Variants in UBR4 observed in about 807,000 individuals in gnomAD.
UBR4 encodes E3 ubiquitin-protein ligase UBR4.
UBR4 carries 124 observed loss-of-function variants against 575.6 expected under a neutral mutation model. The observed-to-expected ratio is 0.22, with a 90% CI of 0.19 to 0.25. The LOEUF (loss-of-function observed/expected upper bound fraction) is 0.25, where lower values mean the gene tolerates loss of function less well. UBR4 is among the 10% of genes least tolerant of loss of function. UBR4 has a pLI of 1.00. For missense variants in UBR4, 4,818 were observed against 6,478.8 expected, an observed-to-expected ratio of 0.74 and a Z score of 8.80; for synonymous variants, 2,455 against 2,473.7, an observed-to-expected ratio of 0.99 and a Z score of 0.22.
intron 90 of UBR4, among the ~76,000 whole-genome samples, chr1:19,098,652 A>G (rs935288360): frequency 4.6e-5 from 7 of 152,218 alleles, no homozygotes; most frequent in African/African-American, 1.7e-4. Context: ...CAACGACCCC[A>G]CTGGCAGTAG....
rs757496416 is a variant in UBR4, at chr1:19,177,516, A to C, written c.2582T>G (p.Ile861Ser). The C allele has an allele frequency of 6.2e-7, 1 of 1,614,104 alleles. No individual in the cohort carries two copies. Among genetic ancestry groups the C allele is most frequent in the South Asian group, 1.1e-5 (1 of 91,072 alleles). Residue 861 changes from isoleucine to serine, a missense_variant, in exon 19 of 106, where the codon ATC (isoleucine) becomes AGC (serine). Coordinates refer to ENST00000375254, the MANE Select transcript of UBR4 (RefSeq NM_020765.3). ...GTACTGATGAAGCAGATAATCAAAG[A>C]TGAGAAGGAGGCGAGCCAAGATAAG... The part of the protein sequence containing the change: ...VPLILARLLL[I>S]FDYLLHQYSK...
chr1:19,100,274 G>A lies in UBR4; in HGVS notation c.13221+102C>T, dbSNP rs2078494018. The A allele has an allele frequency of 2.6e-5, 34 of 1,326,786 alleles. No homozygotes were observed. The highest frequency in any genetic ancestry group is 3.3e-5 in the Non-Finnish European group (31 of 938,510). The allele number at this position is 1,326,786 out of a possible 1,614,324, so 82.2% of individuals were successfully genotyped here. ...AGAGTGGAGAAACTGAAGGCCACCT[G>A]CCCCAAGTTAATCAGCTACTAGGAA... On this transcript the variant is annotated intron_variant, in intron 89 of 105. Coordinates refer to ENST00000375254, the MANE Select transcript of UBR4 (RefSeq NM_020765.3). This position sits in a 1 kb window ranked among gnomAD's most constrained non-coding sequence, Gnocchi z 4.2.
intron 54 of UBR4, 106 bp from the exon 55 acceptor site, chr1:19,144,197 CCTCTCTA>C: frequency 2.1e-6 from 2 of 965,594 alleles, no homozygotes; most frequent in Non-Finnish European, 3.2e-6. Flanking sequence ...AAGTGGAATA[CCTCTCTA>C]CTCTCACCTG....
intron 1 of UBR4, among the ~76,000 whole-genome samples, chr1:19,207,551 C>T (rs2093071142): frequency 6.6e-6 from 1 of 152,194 alleles, no homozygotes; most frequent in Non-Finnish European, 1.5e-5. Flanking sequence ...ATCACTTGAA[C>T]CTGGGAGGCG....
chr1:19,180,039 T>C (rs908080355), intron 17 of UBR4, among the ~76,000 whole-genome samples: 2 of 152,152 alleles, frequency 1.3e-5, no homozygotes, highest in Non-Finnish European at 2.9e-5. Flanking sequence ...ACAGTTACCA[T>C]AGGTTGAGCT....
Position 19,078,012 on chromosome 1 carries a change from A to G in UBR4, c.15288T>C (p.Phe5096=). The change falls in exon 104 of 106, where the codon TTT becomes TTC. Residue 5096 remains phenylalanine, a synonymous_variant. Transcript: ENST00000375254. The stretch of plus-strand genomic sequence containing the variant: ...TGTAAATGAGATCGACGAGGGCCCA[A>G]AAGAGAAGGGAAGAACGGTAAGCGG... ...DYSAYRSSLL[F]WALVDLIYNM... 6.2e-7 allele frequency: 1 copy of G among 1,614,130 alleles called. No individual in the cohort carries two copies. The highest frequency in any genetic ancestry group is 8.5e-7 in the Non-Finnish European group (1 of 1,180,016).
At chr1:19,195,287 T>TAATAATAATAATAATA (rs1169779499) in intron 8 of UBR4, among the ~76,000 whole-genome samples, 1 of 147,908 alleles carries the variant, frequency 6.8e-6, no homozygotes, top group African/African-American at 2.5e-5. Context: ...ATAATAATAA[T>TAATAATAATAATAATA]AATAGTAAAA....
At chr1:19,186,899 A>G (rs142962439) in intron 13 of UBR4, among the ~76,000 whole-genome samples, 12 of 152,176 alleles carry the variant, frequency 7.9e-5, no homozygotes, top group African/African-American at 2.4e-4. Context: ...CAGTATGCCA[A>G]TCATCACAAA....
Position 19,181,508 on chromosome 1 carries a change from C to T in UBR4, c.2185-2288G>A, listed in dbSNP as rs535819551. 2.6e-5 allele frequency among the ~76,000 whole-genome samples: 4 copies of T among 152,274 alleles called. No homozygotes were observed. In the South Asian group the frequency reaches 8.3e-4, roughly 32 times the overall value. ...GCAATATCCAAGACTCCTTCCTCTC[C>T]ATGCTCTTCACCCCATTCAAATAAT... On this transcript the variant is annotated intron_variant, in intron 17 of 105. Coordinates refer to ENST00000375254, the MANE Select transcript of UBR4 (RefSeq NM_020765.3).
intron 11 of UBR4, among the ~76,000 whole-genome samples, chr1:19,190,312 A>AAAAATATATATATATATATAT: frequency 2.5e-5 from 2 of 79,904 alleles, no homozygotes; most frequent in African/African-American, 1.1e-4. Flanking sequence ...AAAAAAAAAA[A>AAAAATATATATATATATATAT]ATATATATAT....
chr1:19,185,302 T>C lies in UBR4; in HGVS notation c.1751-16A>G. 6.6e-7 allele frequency: 1 copy of C among 1,512,694 alleles called. No individual in the cohort carries two copies. Among genetic ancestry groups the C allele is most frequent in the Non-Finnish European group, 8.8e-7 (1 of 1,134,452 alleles). The allele number at this position is 1,512,694 out of a possible 1,614,324, so 93.7% of individuals were successfully genotyped here. A position where few individuals can be genotyped will look rare whatever the true frequency, so the allele number is the denominator to read the frequency against. ...CTGTCATCGTCTGAATAGAGAAAGA[T>C]AAAGTAACGAAAATAAATATTTTTT... On this transcript the variant is annotated splice_polypyrimidine_tract_variant and intron_variant, in intron 14 of 105. Coordinates refer to ENST00000375254, the MANE Select transcript of UBR4 (RefSeq NM_020765.3).
At chr1:19,206,040 T>C (rs1008239515) in intron 1 of UBR4, among the ~76,000 whole-genome samples, 1 of 152,248 alleles carries the variant, frequency 6.6e-6, no homozygotes, top group African/African-American at 2.4e-5. Context: ...CATTCAGCAA[T>C]GATTATACTA....
intron 8 of UBR4, among the ~76,000 whole-genome samples, chr1:19,196,040 CA>C (rs2092437906): frequency 6.6e-6 from 1 of 150,534 alleles, no homozygotes; most frequent in Non-Finnish European, 1.5e-5. Flanking sequence ...TATGTTCCCC[CA>C]AACTCTTGGA....
rs1571585764 is a variant in UBR4 at position 19,184,296 on chromosome 1, TGAAA to T, written c.1939-125_1939-122del. On this transcript the variant is annotated intron_variant, in intron 15 of 105. Transcript: ENST00000375254. ...GGTATCCTGCAATAAACACAATGAA[TGAAA>T]GAATCAGATTTTAAATCACTTACAG... 19 of 1,087,028 alleles carry T rather than the reference TGAAA, an allele frequency of 1.7e-5. No homozygotes were observed. In the East Asian group the frequency reaches 4.4e-4, roughly 25 times the overall value. 67.3% of individuals were successfully genotyped at this position (1,087,028 alleles called of 1,614,324 possible). A position where few individuals can be genotyped will look rare whatever the true frequency, so the allele number is the denominator to read the frequency against.
At chr1:19,099,211 C>T (rs559267625) in intron 90 of UBR4, among the ~76,000 whole-genome samples, 14 of 152,238 alleles carry the variant, frequency 9.2e-5, no homozygotes, top group African/African-American at 2.9e-4. Flanking sequence ...TTCTACTAAG[C>T]GAGCAGGCCC....
intron 88 of UBR4, among the ~76,000 whole-genome samples, chr1:19,101,281 A>G (rs2078611326): frequency 6.6e-6 from 1 of 152,228 alleles, no homozygotes; most frequent in South Asian, 2.1e-4. Context: ...TTAAAAAAAC[A>G]TGATTCTTTA....
chr1:19,104,979 A>ACTAC, intron 85 of UBR4, 69 bp downstream of exon 85: 2 of 1,563,626 alleles, frequency 1.3e-6, no homozygotes, highest in Non-Finnish European at 1.7e-6. Context: ...AAAACACCAT[A>ACTAC]GTAGAGTTTA....
chr1:19,087,948 G>A lies in UBR4; in HGVS notation c.14431-19C>T. On this transcript the variant is annotated intron_variant, in intron 98 of 105. Coordinates refer to ENST00000375254, the MANE Select transcript of UBR4 (RefSeq NM_020765.3). ...CATTTGTCTGTAGGGGAACCCCGGT[G>A]GCATGTCAAGGGGATTTCCACACAC... 7.6e-6 allele frequency: 12 copies of A among 1,577,766 alleles called. No homozygotes were observed. Among genetic ancestry groups the A allele is most frequent in the Non-Finnish European group, 1.0e-5 (12 of 1,155,628 alleles).
At chr1:19,102,269 G>A (rs1317305675) in intron 87 of UBR4, among the ~76,000 whole-genome samples, 3 of 152,156 alleles carry the variant, frequency 2.0e-5, no homozygotes, top group Non-Finnish European at 4.4e-5. Flanking sequence ...GGAGGCTGAG[G>A]TGGGAGGATG....
Sources: allele counts gnomAD v4.1 joint callset (sites outside exome capture counted in the v4.1 genomes callset), GRCh38; gene constraint gnomAD v4.1.1; non-coding constraint Gnocchi (gnomAD v3.1); transcripts MANE v1.5; gene names NCBI Gene and HGNC (gene_info 2026-07-23, HGNC 2026-07-21).